Variants in QPCT observed in about 807,000 individuals in gnomAD.
QPCT encodes EC.
QPCT carries 44 observed loss-of-function variants against 43.4 expected under a neutral mutation model. The ratio of observed to expected loss-of-function variants is 1.01; its 90% CI spans 0.80 to 1.30. The LOEUF is 1.30. Ranked by LOEUF, QPCT falls within the 50% of genes most tolerant of loss-of-function variation. The probability of loss-of-function intolerance (pLI) is 0.00; values close to 1 mark genes in which losing one functional copy is unlikely to be tolerated. For synonymous variants in QPCT, 168 were observed against 168.4 expected, an observed-to-expected ratio of 1.00 and a Z score of 0.02; for missense variants, 526 against 436.5, an observed-to-expected ratio of 1.21 and a Z score of -1.83.
At chr2:37,367,528 T>C (rs913784163) in intron 4 of QPCT, 120 bp downstream of exon 4, 3 of 1,018,914 alleles carry the variant, frequency 2.9e-6, no homozygotes, top group African/African-American at 3.3e-5. Context: ...GTGTTTATGA[T>C]AGAACATTCC....
chr2:37,359,761 A>G lies in QPCT; in HGVS notation c.449A>G (p.Asn150Ser). The change falls in exon 3 of 7, where the codon AAC becomes AGC. Residue 150 changes from asparagine (N) to serine (S), a missense_variant. Physicochemically the swap from Asn to Ser is conservative, Grantham distance 46 (BLOSUM62 1). Transcript: ENST00000338415. The stretch of plus-strand genomic sequence containing the variant: ...GACTCCAAGTATTTTTCCCACTGGA[A>G]CAACAGAGTGTTTGTAGGAGCCACT... ...HYDSKYFSHW[N>S]NRVFVGATDS... is the part of the protein sequence containing the mutation. The G allele has an allele frequency of 6.2e-7, 1 of 1,614,158 alleles. No homozygotes were observed. Among genetic ancestry groups the G allele is most frequent in the African/African-American group, 1.3e-5 (1 of 75,038 alleles).
chr2:37,351,828 GC>G (rs1672630615), intron 1 of QPCT, among the ~76,000 whole-genome samples: 1 of 152,116 alleles, frequency 6.6e-6, no homozygotes, highest in Non-Finnish European at 1.5e-5. Context: ...GTTGCAGTGA[GC>G]CAAGATCATG....
intron 6 of QPCT, 21 bp downstream of exon 6, chr2:37,372,493 TG>T: frequency 6.4e-7 from 1 of 1,573,976 alleles, no homozygotes; most frequent in Non-Finnish European, 8.7e-7. Flanking sequence ...TGTGTGTGTG[TG>T]TTTGTGTGTG....
At chr2:37,350,992 G>A (rs149082103) in intron 1 of QPCT, among the ~76,000 whole-genome samples, 8 of 152,204 alleles carry the variant, frequency 5.3e-5, no homozygotes, top group African/African-American at 1.7e-4. Context: ...GAGAGGCTGA[G>A]TTGAGAGGGT....
intron 2 of QPCT, among the ~76,000 whole-genome samples, chr2:37,358,249 C>A (rs1672788080): frequency 6.6e-6 from 1 of 151,660 alleles, no homozygotes; most frequent in African/African-American, 2.4e-5. Flanking sequence ...TCCATCTCTA[C>A]AAAAAACCAA....
At chr2:37,345,862 T>TATGGGTTCA (rs1672477662) in intron 1 of QPCT, among the ~76,000 whole-genome samples, 1 of 149,016 alleles carries the variant, frequency 6.7e-6, no homozygotes, top group Non-Finnish European at 1.5e-5. Flanking sequence ...AAAAGAAGTA[T>TATGGGTTCA]ATGGGTTCAC....
chr2:37,361,822 G>A (rs1357994205), intron 3 of QPCT, among the ~76,000 whole-genome samples: 1 of 152,204 alleles, frequency 6.6e-6, no homozygotes, highest in Non-Finnish European at 1.5e-5. Context: ...AGCCTTGAAT[G>A]GGGAAGGACT....
At chr2:37,359,072 T>C (rs1672809135) in intron 2 of QPCT, among the ~76,000 whole-genome samples, 1 of 152,204 alleles carries the variant, frequency 6.6e-6, no homozygotes, top group South Asian at 2.1e-4. Flanking sequence ...TGTAGCCTCC[T>C]AGAAATATTA....
chr2:37,355,911 T>C (rs1672733850), intron 2 of QPCT, among the ~76,000 whole-genome samples: 1 of 152,012 alleles, frequency 6.6e-6, no homozygotes, highest in Non-Finnish European at 1.5e-5. Context: ...TGTCATCAGG[T>C]ACATAGATCC....
chr2:37,364,807 C>T (rs1463790621), intron 3 of QPCT, among the ~76,000 whole-genome samples: 2 of 151,754 alleles, frequency 1.3e-5, no homozygotes, highest in East Asian at 3.9e-4. Context: ...CTTCATTTGG[C>T]AACTGAAATT....
intron 4 of QPCT, among the ~76,000 whole-genome samples, chr2:37,368,966 G>A (rs920540867): frequency 1.3e-4 from 20 of 151,992 alleles, no homozygotes; most frequent in Admixed American, 9.2e-4. Context: ...TTCATACTAT[G>A]TCTTTAGGAT....
chr2:37,352,026 C>T (rs1317016984), intron 1 of QPCT, among the ~76,000 whole-genome samples: 2 of 138,536 alleles, frequency 1.4e-5, no homozygotes, highest in African/African-American at 5.3e-5. Context: ...GAAACCCCAA[C>T]TTCAAAAAAA....
intron 2 of QPCT, among the ~76,000 whole-genome samples, chr2:37,355,487 TA>T (rs1164253893): frequency 6.6e-6 from 1 of 152,114 alleles, no homozygotes; most frequent in East Asian, 1.9e-4. Context: ...CCTCAAATAT[TA>T]AAAAAGGGTA....
chr2:37,360,654 T>G (rs1157540137), intron 3 of QPCT, among the ~76,000 whole-genome samples: 2 of 152,220 alleles, frequency 1.3e-5, no homozygotes, highest in Non-Finnish European at 2.9e-5. Context: ...AGTAAAAAGT[T>G]TATCTTGTAA....
At position 37,359,868 on chromosome 2, in the gene QPCT, T is replaced by A. The variant is rs746041096; in HGVS notation, c.546+10T>A. The A allele has an allele frequency of 6.2e-7, 1 of 1,611,462 alleles. No individual in the cohort carries two copies. The highest frequency in any genetic ancestry group is 8.5e-7 in the Non-Finnish European group (1 of 1,177,726). ...ACTCCTTTCCTTAAAGGTATCTGTT[T>A]TCTGCTTATTGATTCCTAGGATAAA... On this transcript the variant is annotated intron_variant, in intron 3 of 6. Coordinates refer to ENST00000338415, the MANE Select transcript of QPCT (RefSeq NM_012413.4).
rs1319124223 is a variant in QPCT at position 37,358,183 on chromosome 2, C to T, written c.268-1397C>T. On this transcript the variant is annotated intron_variant, in intron 2 of 6. Coordinates refer to ENST00000338415, the MANE Select transcript of QPCT (RefSeq NM_012413.4). The stretch of plus-strand genomic sequence containing the variant: ...ATGCCAGCTCTTTGGGAGGCCGAGG[C>T]GGATGGATCACTTGAGCCCAGGAGT... Among the ~76,000 whole-genome samples, 3 of 149,948 alleles carry T rather than the reference C, an allele frequency of 2.0e-5. No homozygotes were observed. In the Admixed American group the frequency reaches 2.0e-4, roughly 10 times the overall value.
chr2:37,372,478 G>A lies in QPCT; in HGVS notation c.940+6G>A, dbSNP rs989042326. ...TATTCCATTTTTAAGAAGAGGTAAT[G>A]TGTGTGTGTGTGTGTGTTTGTGTGT... On this transcript the variant is annotated splice_donor_region_variant and intron_variant, in intron 6 of 6. Coordinates refer to ENST00000338415, the MANE Select transcript of QPCT (RefSeq NM_012413.4). 2 of 1,019,388 alleles carry A rather than the reference G, an allele frequency of 2.0e-6. No homozygotes were observed. The highest frequency in any genetic ancestry group is 3.7e-5 in the East Asian group (1 of 26,874). 63.1% of individuals were successfully genotyped at this position (1,019,388 alleles called of 1,614,324 possible). A position where few individuals can be genotyped will look rare whatever the true frequency, so the allele number is the denominator to read the frequency against.
At chr2:37,353,184 T>C (rs977720012) in intron 2 of QPCT, among the ~76,000 whole-genome samples, 1 of 152,204 alleles carries the variant, frequency 6.6e-6, no homozygotes, top group African/African-American at 2.4e-5. Flanking sequence ...AGTCCTTCAC[T>C]CTTGACCATT....
chr2:37,371,644 A>G (rs929898595), intron 5 of QPCT, among the ~76,000 whole-genome samples: 3 of 152,122 alleles, frequency 2.0e-5, no homozygotes, highest in Non-Finnish European at 4.4e-5. Context: ...GTCTTATAAT[A>G]TTCATGTAAT....
Sources: gnomAD v4.1 joint callset for allele counts (sites outside exome capture counted in the v4.1 genomes callset) on GRCh38, gnomAD v4.1.1 for gene constraint, MANE v1.5 for transcripts, NCBI Gene and HGNC (gene_info 2026-07-23, HGNC 2026-07-21) for gene names.